DAPK2: variants seen among roughly 807,000 people sequenced by gnomAD.
The protein encoded by DAPK2 is death associated protein kinase 2.
Under a neutral mutation model 44.1 loss-of-function variants are expected in DAPK2, and 35 were observed. That is an observed-to-expected ratio of 0.79 (90% CI 0.61 to 1.05). The LOEUF (loss-of-function observed/expected upper bound fraction) is 1.05. DAPK2 is among the 50% of genes least tolerant of loss of function. The pLI, the probability that DAPK2 is intolerant of heterozygous loss-of-function variation, is 0.00. For synonymous variants in DAPK2, 174 were observed against 182.6 expected (o/e 0.95, Z 0.38); for missense variants, 453 against 483.2 (o/e 0.94, Z 0.59).
chr15:63,939,345 A>T lies in DAPK2; in HGVS notation c.470T>A (p.Leu157Ter). The T allele has an allele frequency of 6.2e-7, 1 of 1,610,412 alleles. No individual in the cohort carries two copies. The highest frequency in any genetic ancestry group is 8.5e-7 in the Non-Finnish European group (1 of 1,178,604). Reference sequence around the variant, plus strand: ...TGGAATGGGAATATTCTTGTCTAACAACATAATGTTTTCTGGCTGGACAAC... The same window carrying T: ...TGGAATGGGAATATTCTTGTCTAACTACATAATGTTTTCTGGCTGGACAAC... Residue 157 changes from leucine (L) to a stop codon, truncating the protein, a stop_gained, in exon 4 of 11, where the codon TTG (leucine) becomes TAG (stop). Transcript: ENST00000261891. LOFTEE classifies it high-confidence loss of function. This position sits in a 1 kb window ranked among gnomAD's most constrained non-coding sequence, Gnocchi z 4.3.
At chr15:63,924,408 A>G (rs1303822719) in intron 8 of DAPK2, 2 of 164,972 alleles carry the variant, frequency 1.2e-5, no homozygotes, top group African/African-American at 4.8e-5. Flanking sequence ...AGCCCCAAAA[A>G]TCAGAAGGAA....
intron 6 of DAPK2, among the ~76,000 whole-genome samples, chr15:63,928,877 GCAT>G (rs2079406318): frequency 6.6e-6 from 1 of 152,150 alleles, no homozygotes; most frequent in African/African-American, 2.4e-5. Context: ...ATTGGGGAGG[GCAT>G]AAGTAGCTTC....
intron 4 of DAPK2, among the ~76,000 whole-genome samples, chr15:63,934,078 T>A (rs2077058225): frequency 6.6e-6 from 1 of 152,056 alleles, no homozygotes; most frequent in Admixed American, 6.6e-5. Context: ...TTTATTGTTT[T>A]TCCCCAACTT....
intron 4 of DAPK2, among the ~76,000 whole-genome samples, chr15:63,938,134 G>A (rs1254364889): frequency 1.3e-5 from 2 of 152,176 alleles, no homozygotes; most frequent in African/African-American, 4.8e-5. Flanking sequence ...TTGATGCCTT[G>A]TTTCTACAAC....
intron 10 of DAPK2, chr15:63,909,430 C>G (rs2078728810): frequency 6.6e-6 from 1 of 151,406 alleles, no homozygotes. Flanking sequence ...AACCTTTGAG[C>G]TGATGGTGCT....
chr15:63,983,741 T>C (rs748183558), exon 2 of DAPK2: 1 of 1,611,536 alleles, frequency 6.2e-7, no homozygotes. Context: ...TTCTTCACGA[T>C]GGCAAACTGG....
chr15:64,040,272 A>G, upstream of DAPK2: 5 of 1,612,514 alleles, frequency 3.1e-6, no homozygotes, highest in Non-Finnish European at 4.2e-6. Flanking sequence ...ACAATCCTGA[A>G]ATGGGAAGAA....
rs377462862 is a variant in DAPK2, at chr15:64,034,659, C to T, written c.92+5511G>A. ...TTAAATAAGTTCTTATCTGTTTGTTCGTTTGTTTGTTTAAACCAGCACGGT... is the reference window on the plus strand; with the variant it reads ...TTAAATAAGTTCTTATCTGTTTGTTTGTTTGTTTGTTTAAACCAGCACGGT... On this transcript the variant is annotated intron_variant, in intron 1 of 10. Transcript: ENST00000261891. Among the ~76,000 whole-genome samples, 480 of 151,786 alleles carry T rather than the reference C, an allele frequency of 3.2e-3. 1 individual carries two copies. Among genetic ancestry groups the T allele is most frequent in the Non-Finnish European group, 4.8e-3 (323 of 67,906 alleles).
At chr15:63,949,761 T>G (rs1207068595) in intron 3 of DAPK2, among the ~76,000 whole-genome samples, 1 of 152,188 alleles carries the variant, frequency 6.6e-6, no homozygotes, top group African/African-American at 2.4e-5. Context: ...GGAGTTCGAT[T>G]CCACTTCTAC....
chr15:64,004,492 T>C (rs2079176206), intron 1 of DAPK2, among the ~76,000 whole-genome samples: 1 of 152,362 alleles, frequency 6.6e-6, no homozygotes, highest in East Asian at 1.9e-4. Context: ...TGCCTCATGC[T>C]GATACCTTTG....
intron 1 of DAPK2, among the ~76,000 whole-genome samples, chr15:64,034,360 C>T (rs2080115437): frequency 2.0e-5 from 3 of 152,200 alleles, no homozygotes. Context: ...ACCCCCTGCC[C>T]CCATCAACAT....
At chr15:63,950,711 C>T (rs2140525315) in intron 3 of DAPK2, among the ~76,000 whole-genome samples, 1 of 152,264 alleles carries the variant, frequency 6.6e-6, no homozygotes. Flanking sequence ...AGTGTTTCCT[C>T]ACTGGCTAAG....
intron 1 of DAPK2, among the ~76,000 whole-genome samples, chr15:63,989,422 A>C (rs908708126): frequency 1.3e-5 from 2 of 152,118 alleles, no homozygotes; most frequent in African/African-American, 4.8e-5. Flanking sequence ...TAGAGAAGTA[A>C]AGTGACTGGC....
At chr15:63,984,254 A>G (rs1438622030) in intron 1 of DAPK2, among the ~76,000 whole-genome samples, 1 of 152,242 alleles carries the variant, frequency 6.6e-6, no homozygotes, top group Non-Finnish European at 1.5e-5. Context: ...AAACTGAGGC[A>G]TAAGGATAGG....
chr15:63,955,663 G>T (rs191964944), intron 3 of DAPK2, among the ~76,000 whole-genome samples: 2 of 152,102 alleles, frequency 1.3e-5, no homozygotes, highest in Non-Finnish European at 2.9e-5. Flanking sequence ...TGCCTCCAGG[G>T]CTTAGGTGAT....
intron 8 of DAPK2, 78 bp downstream of exon 9, chr15:63,924,738 T>G (rs1347741528): frequency 1.4e-5 from 21 of 1,522,100 alleles, no homozygotes; most frequent in Non-Finnish European, 1.8e-5. Context: ...ATGGGCCCTC[T>G]GCATCTGGCT....
chr15:64,035,059 T>G (rs867238114), intron 1 of DAPK2, among the ~76,000 whole-genome samples: 2 of 151,874 alleles, frequency 1.3e-5, no homozygotes, highest in African/African-American at 2.4e-5. Flanking sequence ...TCCTAGCTAC[T>G]CGGGAGGCTG....
chr15:64,001,247 G>A (rs1012120917), intron 1 of DAPK2, among the ~76,000 whole-genome samples: 10 of 150,824 alleles, frequency 6.6e-5, no homozygotes, highest in African/African-American at 2.4e-4. Context: ...ACTGGATTCT[G>A]CTGTGCTGCG....
Position 63,982,336 on chromosome 15 carries a change from ACC to A in DAPK2, c.314+1195_314+1196del, listed in dbSNP as rs1345099951. 2.0e-5 allele frequency among the ~76,000 whole-genome samples: 3 copies of A among 151,924 alleles called. No individual in the cohort carries two copies. In the South Asian group the frequency reaches 6.2e-4, roughly 32 times the overall value. On this transcript the variant is annotated intron_variant, in intron 2 of 10. Transcript: ENST00000261891. Reference sequence around the variant, plus strand: ...CTCCCGAGTAGCTGGGATTACAGACACCTGCCACCACACCCGGCTAATTTTTG... The same window carrying A: ...CTCCCGAGTAGCTGGGATTACAGACATGCCACCACACCCGGCTAATTTTTG...
Sources: gnomAD v4.1 joint callset for allele counts (sites outside exome capture counted in the v4.1 genomes callset) on GRCh38, gnomAD v4.1.1 for gene constraint, Gnocchi (gnomAD v3.1) non-coding constraint, MANE v1.5 for transcripts, NCBI Gene and HGNC (gene_info 2026-07-23, HGNC 2026-07-21) for gene names.